Variants in VRK1 observed in about 807,000 individuals in gnomAD.
VRK1 encodes VRK serine/threonine kinase 1.
VRK1 carries 33 observed loss-of-function variants against 57.1 expected under a neutral mutation model. The observed-to-expected ratio is 0.58, with a 90% CI of 0.44 to 0.77. VRK1 has a LOEUF of 0.77. Ranked by LOEUF, VRK1 falls within the 30% of genes least tolerant of loss-of-function variation. VRK1 has a pLI of 0.00. For synonymous variants in VRK1, 137 were observed against 147.8 expected (o/e 0.93, Z 0.53); for missense variants, 413 against 477.3 (o/e 0.87, Z 1.25).
intron 5 of VRK1, among the ~76,000 whole-genome samples, chr14:96,852,443 A>T (rs893976621): frequency 6.6e-6 from 1 of 152,246 alleles, no homozygotes; most frequent in African/African-American, 2.4e-5. Flanking sequence ...AAGGAGAAAC[A>T]GTCACAGGAA....
intron 1 of VRK1, among the ~76,000 whole-genome samples, chr14:96,798,460 C>A (rs1885529119): frequency 6.6e-6 from 1 of 152,206 alleles, no homozygotes; most frequent in Non-Finnish European, 1.5e-5. Context: ...CCTTCCCTTT[C>A]CTGTGTCCCT....
chr14:96,837,074 G>T (rs994505229), intron 2 of VRK1, among the ~76,000 whole-genome samples: 1 of 152,118 alleles, frequency 6.6e-6, no homozygotes, highest in African/African-American at 2.4e-5. Flanking sequence ...TGGTGGCTTT[G>T]TAAGAGTAAG....
At chr14:96,806,431 A>G (rs965427406) in intron 1 of VRK1, among the ~76,000 whole-genome samples, 12 of 152,302 alleles carry the variant, frequency 7.9e-5, no homozygotes, top group African/African-American at 2.9e-4. Flanking sequence ...CTGTTCAGAC[A>G]TTGTCCTGAT....
chr14:96,858,489 G>T (rs1888256370), intron 10 of VRK1, among the ~76,000 whole-genome samples: 1 of 152,052 alleles, frequency 6.6e-6, no homozygotes, highest in African/African-American at 2.4e-5. Context: ...CTGCTCTTAG[G>T]TCGTCTCCAA....
chr14:96,863,420 G>T lies in VRK1; in HGVS notation c.1068+2685G>T, dbSNP rs146893254. Among the ~76,000 whole-genome samples the T allele has an allele frequency of 1.0e-3, 152 of 152,258 alleles. 2 individuals are homozygous for T. The highest frequency in any genetic ancestry group is 3.4e-3 in the Middle Eastern group (1 of 294). ...AATGACATGTGGTCCCATTCTTAAAGAATTCCTTCCTGTTCCATCTGGGTT... is the reference window on the plus strand; with the variant it reads ...AATGACATGTGGTCCCATTCTTAAATAATTCCTTCCTGTTCCATCTGGGTT... On this transcript the variant is annotated intron_variant, in intron 11 of 12. Coordinates refer to ENST00000216639, the MANE Select transcript of VRK1 (RefSeq NM_003384.3).
intron 12 of VRK1, among the ~76,000 whole-genome samples, chr14:96,878,030 G>T (rs1263487612): frequency 6.6e-6 from 1 of 152,084 alleles, no homozygotes; most frequent in African/African-American, 2.4e-5. Context: ...AGAAGATAAA[G>T]AATAGTCAGA....
intron 1 of VRK1, among the ~76,000 whole-genome samples, chr14:96,815,885 T>G (rs1886372812): frequency 6.6e-6 from 1 of 150,930 alleles, no homozygotes; most frequent in South Asian, 2.1e-4. Context: ...AGACCCTGTC[T>G]GGAAAAAAAA....
At chr14:96,799,037 A>G (rs919201272) in intron 1 of VRK1, among the ~76,000 whole-genome samples, 12 of 152,360 alleles carry the variant, frequency 7.9e-5, no homozygotes, top group African/African-American at 2.9e-4. Context: ...CTGTCAATTT[A>G]GTTCTGGTAT....
intron 1 of VRK1, among the ~76,000 whole-genome samples, chr14:96,799,665 A>G (rs1885579648): frequency 6.6e-6 from 1 of 152,218 alleles, no homozygotes; most frequent in Non-Finnish European, 1.5e-5. Context: ...TGGGAATTAA[A>G]TGCTGCCTCT....
chr14:96,836,999 T>C (rs1432868794), intron 2 of VRK1, among the ~76,000 whole-genome samples: 1 of 152,208 alleles, frequency 6.6e-6, no homozygotes, highest in Non-Finnish European at 1.5e-5. Context: ...ATTTGTCCTC[T>C]ATAGCACTTC....
intron 1 of VRK1, among the ~76,000 whole-genome samples, chr14:96,817,778 A>G (rs575105098): frequency 2.6e-5 from 4 of 152,344 alleles, no homozygotes; most frequent in Admixed American, 6.5e-5. Flanking sequence ...GCTAAGTGTT[A>G]TGTAAAAGTA....
intron 5 of VRK1, among the ~76,000 whole-genome samples, chr14:96,850,028 C>T (rs1228677620): frequency 6.6e-6 from 1 of 152,170 alleles, no homozygotes; most frequent in Non-Finnish European, 1.5e-5. Context: ...AGAACACAGT[C>T]TAAGTCTTAA....
chr14:96,817,764 A>G (rs1886450910), intron 1 of VRK1, among the ~76,000 whole-genome samples: 1 of 152,224 alleles, frequency 6.6e-6, no homozygotes, highest in Non-Finnish European at 1.5e-5. Context: ...GATTTTGAAA[A>G]TATGCTAAGT....
chr14:96,830,521 A>T (rs568510876), intron 1 of VRK1, among the ~76,000 whole-genome samples: 1 of 151,000 alleles, frequency 6.6e-6, no homozygotes, highest in African/African-American at 2.4e-5. Context: ...TGATTTCTGA[A>T]TTTTTCTAAT....
chr14:96,878,024 G>C (rs769837424), intron 12 of VRK1, among the ~76,000 whole-genome samples: 1 of 152,050 alleles, frequency 6.6e-6, no homozygotes, highest in Non-Finnish European at 1.5e-5. Flanking sequence ...TTTTTCAGAA[G>C]ATAAAGAATA....
At chr14:96,871,256 C>T (rs931645816) in intron 11 of VRK1, among the ~76,000 whole-genome samples, 2 of 152,064 alleles carry the variant, frequency 1.3e-5, no homozygotes, top group Non-Finnish European at 2.9e-5. Context: ...TCCTTCAGAC[C>T]TGTTAATTAG....
chr14:96,858,225 G>A (rs537896017), intron 10 of VRK1, among the ~76,000 whole-genome samples: 8 of 152,086 alleles, frequency 5.3e-5, no homozygotes, highest in African/African-American at 7.2e-5. Context: ...TGAAGTAGCT[G>A]GGACTACAGG....
At chr14:96,856,495 A>G (rs1216546148) in intron 9 of VRK1, 33 bp from the exon 10 acceptor site, 15 of 1,568,286 alleles carry the variant, frequency 9.6e-6, no homozygotes, top group Admixed American at 1.7e-5. Context: ...TATGACATCA[A>G]GCTTCAGTGA....
intron 4 of VRK1, 35 bp downstream of exon 4, chr14:96,846,199 A>G (rs2139779341): frequency 6.2e-7 from 1 of 1,602,236 alleles, no homozygotes; most frequent in Non-Finnish European, 8.5e-7. Flanking sequence ...TTACACTTTT[A>G]AAATGACCAG....
Sources: allele counts gnomAD v4.1 joint callset (sites outside exome capture counted in the v4.1 genomes callset), GRCh38; gene constraint gnomAD v4.1.1; transcripts MANE v1.5; gene names NCBI Gene and HGNC (gene_info 2026-07-23, HGNC 2026-07-21).